Variants in DOCK3 observed in about 807,000 individuals in gnomAD.
The protein encoded by DOCK3 is dedicator of cytokinesis protein 3.
A neutral mutation model predicts 265.6 loss-of-function variants in DOCK3; 60 were observed. That is an observed-to-expected ratio of 0.23 (90% CI 0.18 to 0.28). The LOEUF is 0.28. Ranked by LOEUF, DOCK3 falls within the 10% of genes least tolerant of loss-of-function variation. DOCK3 has a pLI of 1.00. For synonymous variants in DOCK3, 881 were observed against 938.0 expected, an observed-to-expected ratio of 0.94 and a Z score of 1.11; for missense variants, 1,981 against 2,594.3, an observed-to-expected ratio of 0.76 and a Z score of 5.14.
chr3:50,685,934 A>T (rs1576086804), intron 1 of DOCK3: 1 of 152,228 alleles, frequency 6.6e-6, no homozygotes, highest in East Asian at 1.9e-4. Flanking sequence ...TTTTTTGGAT[A>T]TTAATCCTTT....
intron 27 of DOCK3, among the ~76,000 whole-genome samples, chr3:51,300,525 T>C (rs138899544): frequency 0.013 from 1,909 of 152,324 alleles, 50 homozygotes; most frequent in African/African-American, 0.042. Flanking sequence ...CAGTATGATA[T>C]TGGCTGTGGG....
chr3:50,906,483 T>C (rs1431361233), intron 4 of DOCK3, among the ~76,000 whole-genome samples: 1 of 152,090 alleles, frequency 6.6e-6, no homozygotes. Context: ...CTTCCTGGTT[T>C]AGTCTTGGGA....
intron 2 of DOCK3, among the ~76,000 whole-genome samples, chr3:50,809,418 C>G (rs1219489525): frequency 6.6e-6 from 1 of 152,146 alleles, no homozygotes; most frequent in Non-Finnish European, 1.5e-5. Flanking sequence ...AACACGATAC[C>G]AAGTGCTAGT....
chr3:51,260,756 C>T (rs1029393870), intron 23 of DOCK3, among the ~76,000 whole-genome samples: 6 of 152,008 alleles, frequency 3.9e-5, no homozygotes, highest in Admixed American at 1.3e-4. Context: ...CCAAGGTGGG[C>T]GGATTGCTTG....
At chr3:50,732,185 T>C (rs2108131892) in intron 1 of DOCK3, among the ~76,000 whole-genome samples, 1 of 152,144 alleles carries the variant, frequency 6.6e-6, no homozygotes, top group South Asian at 2.1e-4. Flanking sequence ...ATATTCTCAC[T>C]TATAAGTGGG....
In DOCK3 at chr3:51,312,554, A is replaced by G; in HGVS notation, c.3172A>G (p.Lys1058Glu). ...SLQLEIITSA[K>E]RKKILDKYGD... ...TCAGCTAGAAATTATCACCTCAGCCAAAAGGAAGAAGATTCTAGATAAGTA... is the reference window on the plus strand; with the variant it reads ...TCAGCTAGAAATTATCACCTCAGCCGAAAGGAAGAAGATTCTAGATAAGTA... Residue 1058 changes from lysine (K) to glutamate (E), a missense_variant, in exon 30 of 53, where the codon AAA becomes GAA. Around this residue, in one of 4 missense-constraint regions of DOCK3, gnomAD observed 1,357 missense variants for 1,866.8 expected, o/e 0.73. Transcript: ENST00000266037. 6.3e-7 allele frequency: 1 copy of G among 1,592,376 alleles called. No homozygotes were observed. The highest frequency in any genetic ancestry group is 1.1e-5 in the South Asian group (1 of 87,252).
chr3:51,253,564 G>T (rs1458739108), intron 22 of DOCK3, among the ~76,000 whole-genome samples: 1 of 152,068 alleles, frequency 6.6e-6, no homozygotes, highest in Non-Finnish European at 1.5e-5. Context: ...TCTATTCAGG[G>T]ATTCAACTTC....
At chr3:50,971,744 T>C (rs1170390961) in intron 5 of DOCK3, among the ~76,000 whole-genome samples, 4 of 152,220 alleles carry the variant, frequency 2.6e-5, no homozygotes, top group African/African-American at 9.6e-5. Flanking sequence ...GGAACTGGGC[T>C]GGTCTATAGA....
At chr3:51,192,358 A>G (rs1312938727) in intron 12 of DOCK3, among the ~76,000 whole-genome samples, 1 of 151,620 alleles carries the variant, frequency 6.6e-6, no homozygotes, top group Non-Finnish European at 1.5e-5. Context: ...CAAGATCATC[A>G]CCACCCTGAT....
At chr3:51,306,034 T>TTTA (rs2082672768) in intron 27 of DOCK3, among the ~76,000 whole-genome samples, 1 of 147,014 alleles carries the variant, frequency 6.8e-6, no homozygotes, top group African/African-American at 2.5e-5. Context: ...TTTTTTTTTT[T>TTTA]AAATTTATTG....
chr3:51,133,176 T>C (rs115400193), intron 9 of DOCK3, among the ~76,000 whole-genome samples: 6,938 of 152,200 alleles, frequency 0.046, 571 homozygotes, highest in African/African-American at 0.16. Flanking sequence ...TTCTTTATTA[T>C]TATTATACTT....
In DOCK3 at chr3:50,994,759, A is replaced by G. The variant is rs995860279; in HGVS notation, c.315+60682A>G. Among the ~76,000 whole-genome samples the G allele has an allele frequency of 2.6e-5, 4 of 152,306 alleles. No individual in the cohort carries two copies. The East Asian group carries it at 7.7e-4, about 29-fold the overall frequency. ...ATGTTTAGAGACATAGAAGGGCCCAAGATTACCCAGGGAGAAAGTGTGACT... is the reference window on the plus strand; with the variant it reads ...ATGTTTAGAGACATAGAAGGGCCCAGGATTACCCAGGGAGAAAGTGTGACT... On this transcript the variant is annotated intron_variant, in intron 5 of 52. Transcript: ENST00000266037.
Position 51,295,903 on chromosome 3 carries a change from C to T in DOCK3, c.2923-14329C>T, listed in dbSNP as rs937599761. ...TCCTCCAGGCTGGAGTACACTGGCA[C>T]GATCATAGCTCACTGCAGCTTCAAA... On this transcript the variant is annotated intron_variant, in intron 27 of 52. Coordinates refer to ENST00000266037, the MANE Select transcript of DOCK3 (RefSeq NM_004947.5). Among the ~76,000 whole-genome samples, 6 of 152,240 alleles carry T rather than the reference C, an allele frequency of 3.9e-5. No individual in the cohort carries two copies. In the South Asian group the frequency reaches 6.2e-4, roughly 16 times the overall value.
chr3:51,002,977 A>G lies in DOCK3; in HGVS notation c.316-61471A>G, dbSNP rs138048172. 7.3e-3 allele frequency among the ~76,000 whole-genome samples: 1,116 copies of G among 152,338 alleles called. 7 individuals are homozygous for G. Among genetic ancestry groups the G allele is most frequent in the African/African-American group, 0.01 (431 of 41,580 alleles). The stretch of plus-strand genomic sequence containing the variant: ...ATTCTGGAAAGCATTATTTAAGTCT[A>G]TGTGGTATGCCCTGACTAGTCAAAT... On this transcript the variant is annotated intron_variant, in intron 5 of 52. Coordinates refer to ENST00000266037, the MANE Select transcript of DOCK3 (RefSeq NM_004947.5).
chr3:51,251,514 A>C (rs2079237603), intron 22 of DOCK3, among the ~76,000 whole-genome samples: 1 of 152,204 alleles, frequency 6.6e-6, no homozygotes. Flanking sequence ...CTATTTCTCC[A>C]CATCCTCTCC....
chr3:51,225,014 G>A (rs547281477), intron 14 of DOCK3, among the ~76,000 whole-genome samples: 134 of 152,190 alleles, frequency 8.8e-4, no homozygotes, highest in African/African-American at 3.1e-3. Flanking sequence ...TTGCCTCATT[G>A]CCTTACTACC....
chr3:51,367,414 A>G (rs959931904), intron 49 of DOCK3, among the ~76,000 whole-genome samples: 19 of 152,210 alleles, frequency 1.2e-4, no homozygotes, highest in South Asian at 2.1e-4. Flanking sequence ...TCCTGAATAC[A>G]GCACACTGAT....
At chr3:50,762,118 A>G (rs973357260) in intron 1 of DOCK3, among the ~76,000 whole-genome samples, 2 of 152,100 alleles carry the variant, frequency 1.3e-5, no homozygotes, top group Non-Finnish European at 2.9e-5. Flanking sequence ...GGGTGGGGGC[A>G]GCGGGGAGGG....
At chr3:51,271,665 C>G (rs2080501445) in intron 24 of DOCK3, among the ~76,000 whole-genome samples, 1 of 152,142 alleles carries the variant, frequency 6.6e-6, no homozygotes, top group African/African-American at 2.4e-5. Context: ...GCCTGGCAAA[C>G]AGGGTGAAAC....
Sources: gnomAD v4.1 joint callset for allele counts (sites outside exome capture counted in the v4.1 genomes callset) on GRCh38, gnomAD v4.1.1 for gene constraint, gnomAD v4.1.1 regional missense constraint, MANE v1.5 for transcripts, NCBI Gene and HGNC (gene_info 2026-07-23, HGNC 2026-07-21) for gene names.